Variants in CDH13 observed in about 807,000 individuals in gnomAD.
The protein encoded by CDH13 is cadherin-13.
CDH13 carries 24 observed loss-of-function variants against 63.8 expected under a neutral mutation model. That is an observed-to-expected ratio of 0.38 (90% CI 0.27 to 0.53). The LOEUF (loss-of-function observed/expected upper bound fraction) is 0.53. Ranked by LOEUF, CDH13 falls within the 20% of genes least tolerant of loss-of-function variation. The probability of loss-of-function intolerance (pLI) is 0.85; values close to 1 mark genes in which losing one functional copy is unlikely to be tolerated. For missense variants in CDH13, 1,049 were observed against 903.1 expected, an observed-to-expected ratio of 1.16 and a Z score of -2.07; for synonymous variants, 503 against 355.3, an observed-to-expected ratio of 1.42 and a Z score of -4.67.
At chr16:83,177,716 G>C (rs2151739081) in intron 4 of CDH13, among the ~76,000 whole-genome samples, 1 of 152,258 alleles carries the variant, frequency 6.6e-6, no homozygotes, top group Middle Eastern at 3.4e-3. Flanking sequence ...TCTCTTTTAG[G>C]GTTATTTAAA....
intron 4 of CDH13, among the ~76,000 whole-genome samples, chr16:83,169,166 C>T (rs1318252270): frequency 1.3e-5 from 2 of 151,432 alleles, no homozygotes; most frequent in Non-Finnish European, 2.9e-5. Flanking sequence ...TGCTTGCCGG[C>T]ATTCAGTGCT....
At chr16:82,813,566 C>G (rs193071587) in intron 1 of CDH13, among the ~76,000 whole-genome samples, 1 of 152,084 alleles carries the variant, frequency 6.6e-6, no homozygotes, top group African/African-American at 2.4e-5. Flanking sequence ...TAAAAGGCTT[C>G]AAAAAGGTAG....
chr16:83,483,406 C>A (rs537354137), intron 6 of CDH13, among the ~76,000 whole-genome samples: 4 of 151,342 alleles, frequency 2.6e-5, no homozygotes, highest in East Asian at 3.9e-4. Flanking sequence ...AACCTGTAAA[C>A]AAAAAGATAT....
intron 2 of CDH13, among the ~76,000 whole-genome samples, chr16:82,974,626 G>C (rs959112094): frequency 6.6e-6 from 1 of 152,122 alleles, no homozygotes. Flanking sequence ...CATGTTGGAC[G>C]ATGTAAGTGG....
rs559555129 is a variant in CDH13 at position 83,249,880 on chromosome 16, C to T, written c.636+32383C>T. Among the ~76,000 whole-genome samples the T allele has an allele frequency of 3.9e-5, 6 of 152,324 alleles. No homozygotes were observed. The East Asian group carries it at 9.6e-4, about 24-fold the overall frequency. ...GCCCAGTTTTCTGTTTGGATGATAG[C>T]TTCTCATGATGGTCCTCATGTGTTA... On this transcript the variant is annotated intron_variant, in intron 5 of 13. Coordinates refer to ENST00000567109, the MANE Select transcript of CDH13 (RefSeq NM_001257.5).
Position 83,529,418 on chromosome 16 carries a change from C to CA in CDH13, c.960+42769dup, listed in dbSNP as rs529255156. ...GTTGAAGCATTGTTTTTTGTAGGTA[C>CA]AAAAAATAAAAGGTTAGATCTCCAT... On this transcript the variant is annotated intron_variant, in intron 7 of 13. Transcript: ENST00000567109. Among the ~76,000 whole-genome samples, 248 of 152,058 alleles carry CA rather than the reference C, an allele frequency of 1.6e-3. 1 individual carries two copies. The highest frequency in any genetic ancestry group is 5.5e-3 in the African/African-American group (230 of 41,502).
intron 10 of CDH13, among the ~76,000 whole-genome samples, chr16:83,746,298 G>A (rs764416120): frequency 1.3e-5 from 2 of 152,056 alleles, no homozygotes; most frequent in Non-Finnish European, 2.9e-5. Flanking sequence ...TTGGTTTGTG[G>A]CCACATCACT....
In CDH13 at chr16:83,432,295, A is replaced by G. The variant is rs549498190; in HGVS notation, c.782-54182A>G. On this transcript the variant is annotated intron_variant, in intron 6 of 13. Transcript: ENST00000567109. ...CCGTTCGAGGAGTATCAGTAGCTGC[A>G]GTAGCTCCTTCTAGTGCTGTGCCAG... is the stretch of plus-strand genomic sequence containing the variant. 1.6e-4 allele frequency among the ~76,000 whole-genome samples: 24 copies of G among 152,336 alleles called. No homozygotes were observed. The South Asian group carries it at 4.8e-3, about 30-fold the overall frequency.
At chr16:83,173,602 T>C (rs2038009785) in intron 4 of CDH13, among the ~76,000 whole-genome samples, 1 of 152,152 alleles carries the variant, frequency 6.6e-6, no homozygotes, top group African/African-American at 2.4e-5. Context: ...ATATTAATAC[T>C]AAAGAATTTG....
intron 1 of CDH13, among the ~76,000 whole-genome samples, chr16:82,802,157 G>A (rs541067585): frequency 2.5e-4 from 38 of 152,242 alleles, no homozygotes; most frequent in African/African-American, 8.7e-4. Flanking sequence ...TAATATTCAG[G>A]TGCTTTCCAC....
chr16:83,656,623 G>GTTTTAGTTATCCACT (rs1164576092), intron 8 of CDH13, among the ~76,000 whole-genome samples: 3 of 152,170 alleles, frequency 2.0e-5, no homozygotes, highest in Admixed American at 6.5e-5. Context: ...TGTTACCCTT[G>GTTTTAGTTATCCACT]AATGGTAAAG....
chr16:83,338,764 A>T (rs2090657151), intron 5 of CDH13, among the ~76,000 whole-genome samples: 1 of 152,208 alleles, frequency 6.6e-6, no homozygotes, highest in Non-Finnish European at 1.5e-5. Context: ...GCAAGAAAGG[A>T]TGTGATGAGT....
rs189673818 is a variant in CDH13 at position 82,645,160 on chromosome 16, G to A, written c.45+18023G>A. On this transcript the variant is annotated intron_variant, in intron 1 of 13. Coordinates refer to ENST00000567109, the MANE Select transcript of CDH13 (RefSeq NM_001257.5). ...CCTAGGATGCCATATCTCAGAGTAC[G>A]GGCTTCGACGGGGCCCTTCACCCAG... Among the ~76,000 whole-genome samples, 227 of 152,186 alleles carry A rather than the reference G, an allele frequency of 1.5e-3. 1 individual carries two copies. The highest frequency in any genetic ancestry group is 2.1e-3 in the East Asian group (11 of 5,154).
At chr16:83,747,646 T>A (rs936852412) in intron 10 of CDH13, among the ~76,000 whole-genome samples, 5 of 151,382 alleles carry the variant, frequency 3.3e-5, no homozygotes, top group Admixed American at 6.6e-5. Context: ...GGATGCTGCA[T>A]TCTCTGTGAG....
intron 4 of CDH13, among the ~76,000 whole-genome samples, chr16:83,136,577 C>G (rs1241699495): frequency 1.3e-5 from 2 of 151,958 alleles, no homozygotes. Flanking sequence ...AAGCATAGCT[C>G]ACCATCCCCC....
chr16:83,320,125 G>A (rs1388890482), intron 5 of CDH13, among the ~76,000 whole-genome samples: 1 of 152,022 alleles, frequency 6.6e-6, no homozygotes. Context: ...CTGCAGCCTC[G>A]ACCTCTCAGG....
intron 10 of CDH13, among the ~76,000 whole-genome samples, chr16:83,718,305 G>A (rs1186710169): frequency 6.6e-6 from 1 of 152,236 alleles, no homozygotes; most frequent in African/African-American, 2.4e-5. Context: ...ACGCCAGTGA[G>A]TCCTTGACCC....
intron 6 of CDH13, among the ~76,000 whole-genome samples, chr16:83,388,857 C>T (rs529063164): frequency 6.6e-6 from 1 of 152,212 alleles, no homozygotes; most frequent in East Asian, 1.9e-4. Context: ...CAGCCCAGAC[C>T]TACTGAATCA....
intron 1 of CDH13, among the ~76,000 whole-genome samples, chr16:82,805,583 A>T (rs2037100793): frequency 6.6e-6 from 1 of 152,168 alleles, no homozygotes; most frequent in African/African-American, 2.4e-5. Context: ...GAGATGCCCA[A>T]ATATAAGTAT....
Sources: gnomAD v4.1 joint callset for allele counts (sites outside exome capture counted in the v4.1 genomes callset) on GRCh38, gnomAD v4.1.1 for gene constraint, MANE v1.5 for transcripts, NCBI Gene and HGNC (gene_info 2026-07-23, HGNC 2026-07-21) for gene names.